The following GRB2 variants were observed in gnomAD, a reference collection of about 807,000 sequenced individuals.
GRB2 encodes the protein growth factor receptor-bound protein 2.
A neutral mutation model predicts 27.4 loss-of-function variants in GRB2; 2 were observed. That is an observed-to-expected ratio of 0.07 (90% confidence interval 0.03 to 0.23). The LOEUF (loss-of-function observed/expected upper bound fraction) is 0.23, where lower values mean the gene tolerates loss of function less well. Ranked by LOEUF, GRB2 falls within the 10% of genes least tolerant of loss-of-function variation. The probability of loss-of-function intolerance (pLI) is 1.00; values close to 1 mark genes in which losing one functional copy is unlikely to be tolerated. For synonymous variants in GRB2, 94 were observed against 99.6 expected (o/e 0.94, Z 0.33); for missense variants, 102 against 282.4 (o/e 0.36, Z 4.58).
chr17:75,348,491 C>A (rs1208887885), intron 2 of GRB2, among the ~76,000 whole-genome samples: 1 of 152,114 alleles, frequency 6.6e-6, no homozygotes, highest in Non-Finnish European at 1.5e-5. Flanking sequence ...GTGTCTACTA[C>A]ACTGAAAGCA....
intron 2 of GRB2, chr17:75,372,603 T>C (rs762730808): frequency 1.3e-5 from 2 of 152,304 alleles, no homozygotes; most frequent in African/African-American, 2.4e-5. Flanking sequence ...TACAGCAGGG[T>C]TGTCCAATGA....
intron 1 of GRB2, among the ~76,000 whole-genome samples, chr17:75,400,467 C>A (rs1378449146): frequency 1.3e-5 from 2 of 151,896 alleles, no homozygotes; most frequent in Admixed American, 1.3e-4. Context: ...CCACCATACC[C>A]AGCCTCATGC....
intron 2 of GRB2, chr17:75,338,724 A>G (rs1163247792): frequency 4.0e-6 from 2 of 497,956 alleles, no homozygotes; most frequent in Admixed American, 3.4e-5. Flanking sequence ...TAATGTTAAG[A>G]GCCCAAATCA....
chr17:75,389,911 T>C (rs2078988010), intron 2 of GRB2, among the ~76,000 whole-genome samples: 1 of 152,188 alleles, frequency 6.6e-6, no homozygotes, highest in African/African-American at 2.4e-5. Context: ...AAAATTTTTA[T>C]ATACCATCTT....
At chr17:75,388,586 G>T (rs909768102) in intron 2 of GRB2, among the ~76,000 whole-genome samples, 3 of 146,850 alleles carry the variant, frequency 2.0e-5, no homozygotes, top group South Asian at 2.3e-4. Context: ...AAAATAGTGG[G>T]GGGGGGGAAG....
At chr17:75,385,881 A>C (rs1221281171) in intron 2 of GRB2, among the ~76,000 whole-genome samples, 1 of 152,200 alleles carries the variant, frequency 6.6e-6, no homozygotes, top group Non-Finnish European at 1.5e-5. Context: ...ATTGCCACTT[A>C]ATAGGTGCCA....
chr17:75,334,417 C>T (rs554609267), intron 2 of GRB2, among the ~76,000 whole-genome samples: 14 of 152,136 alleles, frequency 9.2e-5, no homozygotes, highest in Non-Finnish European at 1.5e-4. Context: ...GTGATCCACC[C>T]GACTCGGCCT....
At chr17:75,377,776 A>G (rs2078903692) in intron 2 of GRB2, among the ~76,000 whole-genome samples, 1 of 151,466 alleles carries the variant, frequency 6.6e-6, no homozygotes, top group African/African-American at 2.4e-5. Context: ...GTATGGTGGC[A>G]CACGCCTGTA....
chr17:75,346,359 G>T (rs1478872901), intron 2 of GRB2, among the ~76,000 whole-genome samples: 2 of 151,740 alleles, frequency 1.3e-5, no homozygotes, highest in South Asian at 2.1e-4. Flanking sequence ...ATCTGGGCAC[G>T]GTGGCGGGCG....
chr17:75,368,555 A>C (rs1460576420), intron 2 of GRB2, among the ~76,000 whole-genome samples: 1 of 149,878 alleles, frequency 6.7e-6, no homozygotes, highest in East Asian at 2.0e-4. Flanking sequence ...TTTTTTTTAA[A>C]GATAGGATCT....
chr17:75,376,520 CAAAAAAAA>C (rs1001049290), intron 2 of GRB2, among the ~76,000 whole-genome samples: 2 of 124,522 alleles, frequency 1.6e-5, no homozygotes, highest in African/African-American at 6.8e-5. Context: ...GACTCTGTTT[CAAAAAAAA>C]AAAAAAAAGA....
At chr17:75,351,584 C>T (rs2078692653) in intron 2 of GRB2, among the ~76,000 whole-genome samples, 1 of 151,990 alleles carries the variant, frequency 6.6e-6, no homozygotes, top group Non-Finnish European at 1.5e-5. Flanking sequence ...GCCTGGAAGG[C>T]TGAGGCTGCA....
intron 2 of GRB2, among the ~76,000 whole-genome samples, chr17:75,374,175 G>A (rs1435036133): frequency 2.6e-5 from 4 of 151,784 alleles, no homozygotes; most frequent in Non-Finnish European, 5.9e-5. Context: ...GGAGGCCGAG[G>A]CAGGCGGATC....
chr17:75,346,162 A>ATT (rs67737628), intron 2 of GRB2, among the ~76,000 whole-genome samples: 68,794 of 133,984 alleles, frequency 0.51, 21,605 homozygotes, highest in East Asian at 0.84. Flanking sequence ...TCGGCCACTG[A>ATT]TTTTTTTTTT....
chr17:75,335,863 AT>A (rs1338542493), intron 2 of GRB2, among the ~76,000 whole-genome samples: 2 of 152,222 alleles, frequency 1.3e-5, no homozygotes, highest in Non-Finnish European at 2.9e-5. Context: ...AAAACAATAT[AT>A]GCAAGGTACA....
At chr17:75,325,814 T>C (rs764762977) in intron 4 of GRB2, 84 bp downstream of exon 4, 5 of 1,382,596 alleles carry the variant, frequency 3.6e-6, no homozygotes, top group Admixed American at 1.7e-5. Flanking sequence ...CCATTTTGTG[T>C]GTAGCCAGGC....
At chr17:75,331,490 A>G (rs923696962) in intron 3 of GRB2, among the ~76,000 whole-genome samples, 23 of 152,246 alleles carry the variant, frequency 1.5e-4, no homozygotes, top group Non-Finnish European at 3.1e-4. Context: ...CTGAAGAAAA[A>G]TAAGAATTTC....
At chr17:75,326,284 G>A (rs1328074754) in intron 3 of GRB2, 1 of 461,892 alleles carries the variant, frequency 2.2e-6, no homozygotes, top group Non-Finnish European at 4.0e-6. Context: ...GGAGACATTT[G>A]AAAATGGGCC....
At chr17:75,340,810 C>T (rs1352581336) in intron 2 of GRB2, among the ~76,000 whole-genome samples, 1 of 152,184 alleles carries the variant, frequency 6.6e-6, no homozygotes, top group Non-Finnish European at 1.5e-5. Flanking sequence ...GGCAATGCTG[C>T]CTGCTATGCT....
Sources: gnomAD v4.1 joint callset for allele counts (sites outside exome capture counted in the v4.1 genomes callset) on GRCh38, gnomAD v4.1.1 for gene constraint, MANE v1.5 for transcripts, NCBI Gene and HGNC (gene_info 2026-07-23, HGNC 2026-07-21) for gene names.